Variants in TRIM24 observed in about 807,000 individuals in gnomAD.
The protein encoded by TRIM24 is tripartite motif containing 24, also known as transcription intermediary factor 1-alpha.
TRIM24 carries 29 observed loss-of-function variants against 123.9 expected under a neutral mutation model. That is an observed-to-expected ratio of 0.23 (90% CI 0.17 to 0.32). The LOEUF (loss-of-function observed/expected upper bound fraction) is 0.32, where lower values mean the gene tolerates loss of function less well. Ranked by LOEUF, TRIM24 falls within the 10% of genes least tolerant of loss-of-function variation. The pLI is 1.00. For synonymous variants in TRIM24, 456 were observed against 461.1 expected (o/e 0.99, Z 0.14); for missense variants, 932 against 1,295.3 (o/e 0.72, Z 4.31).
In TRIM24 at chr7:138,573,517, C is replaced by G; in HGVS notation, c.1889C>G (p.Ser630Ter). 1 of 1,590,056 alleles carries G rather than the reference C, an allele frequency of 6.3e-7. No individual in the cohort carries two copies. Among genetic ancestry groups the G allele is most frequent in the Non-Finnish European group, 8.5e-7 (1 of 1,170,658 alleles). Residue 630 changes from serine to a stop codon, truncating the protein, a stop_gained, in exon 12 of 19, where the codon TCA becomes TGA. Transcript: ENST00000343526. LOFTEE classifies it high-confidence loss of function. Reference sequence around the variant, plus strand: ...TTCTTTTCTTGTAAGATTGACTGTTCAAGTACTATTATGCTGGACAATATT... The same window carrying G: ...TTCTTTTCTTGTAAGATTGACTGTTGAAGTACTATTATGCTGGACAATATT... The part of the protein sequence containing the change: ...NLPSLPDIDC[S>*]STIMLDNIVR...
chr7:138,575,406 C>G (rs758445647), intron 12 of TRIM24, among the ~76,000 whole-genome samples: 1 of 151,232 alleles, frequency 6.6e-6, no homozygotes, highest in Non-Finnish European at 1.5e-5. Context: ...GATCCTCCTG[C>G]TTTAGCCTTC....
chr7:138,477,968 T>C (rs137918068), intron 1 of TRIM24, among the ~76,000 whole-genome samples: 1 of 152,348 alleles, frequency 6.6e-6, no homozygotes, highest in African/African-American at 2.4e-5. Flanking sequence ...GATAAATACT[T>C]AAAAACTAAG....
intron 7 of TRIM24, among the ~76,000 whole-genome samples, chr7:138,546,242 A>G (rs10216325): frequency 0.013 from 1,983 of 152,290 alleles, 36 homozygotes; most frequent in African/African-American, 0.045. Flanking sequence ...CTTGCCAAGA[A>G]TACTGTAACT....
intron 2 of TRIM24, among the ~76,000 whole-genome samples, chr7:138,510,130 C>T (rs1796254770): frequency 6.6e-6 from 1 of 152,218 alleles, no homozygotes; most frequent in African/African-American, 2.4e-5. Context: ...ACAGAAGTTA[C>T]ATGCAGGTAG....
chr7:138,574,466 C>A (rs1797716783), intron 12 of TRIM24, among the ~76,000 whole-genome samples: 1 of 152,040 alleles, frequency 6.6e-6, no homozygotes, highest in Admixed American at 6.6e-5. Flanking sequence ...TATCATATGA[C>A]AAGTTTATAC....
intron 1 of TRIM24, among the ~76,000 whole-genome samples, chr7:138,475,574 T>TG (rs1314518093): frequency 6.6e-6 from 1 of 152,212 alleles, no homozygotes; most frequent in African/African-American, 2.4e-5. Flanking sequence ...CTGGCTATAG[T>TG]GCAGTGGTGT....
At chr7:138,515,731 A>G (rs970115300) in intron 3 of TRIM24, among the ~76,000 whole-genome samples, 3 of 152,182 alleles carry the variant, frequency 2.0e-5, no homozygotes, top group Non-Finnish European at 4.4e-5. Flanking sequence ...AACCTGCATC[A>G]TGATATTTGT....
At chr7:138,550,020 G>C (rs575668644) in intron 7 of TRIM24, among the ~76,000 whole-genome samples, 2 of 152,256 alleles carry the variant, frequency 1.3e-5, no homozygotes, top group South Asian at 4.1e-4. Context: ...ATTAAGAATG[G>C]GGGAGGAAAT....
chr7:138,570,838 C>G lies in TRIM24; in HGVS notation c.1713C>G (p.Ile571Met), dbSNP rs760956358. ...LAQQAIKQWQ[I>M]SSGQGTPSTT... is the part of the protein sequence containing the mutation. ...TCTTCTTGTTACTGTAGTGGCAGAT[C>G]AGCAGTGGACAGGGAACCCCATCAA... Residue 571 changes from isoleucine (I) to methionine (M), a missense_variant, in exon 11 of 19, where the codon ATC becomes ATG. This residue lies in a region of TRIM24 where 527 missense variants were observed against 691.3 expected (regional missense o/e 0.76). Transcript: ENST00000343526. The G allele has an allele frequency of 6.2e-7, 1 of 1,613,812 alleles. No homozygotes were observed. The highest frequency in any genetic ancestry group is 1.1e-5 in the South Asian group (1 of 91,042).
At chr7:138,489,573 G>A (rs1233623448) in intron 1 of TRIM24, among the ~76,000 whole-genome samples, 1 of 152,078 alleles carries the variant, frequency 6.6e-6, no homozygotes, top group Non-Finnish European at 1.5e-5. Flanking sequence ...GCATTTTCTT[G>A]TCTATAAAGG....
chr7:138,548,383 C>G (rs768268805), intron 7 of TRIM24, among the ~76,000 whole-genome samples: 1 of 151,588 alleles, frequency 6.6e-6, no homozygotes, highest in Non-Finnish European at 1.5e-5. Flanking sequence ...GAGATCGCAC[C>G]ACTCCACTCC....
chr7:138,574,316 A>G (rs1217212477), intron 12 of TRIM24, among the ~76,000 whole-genome samples: 1 of 152,192 alleles, frequency 6.6e-6, no homozygotes, highest in Non-Finnish European at 1.5e-5. Flanking sequence ...AAAAACGCTA[A>G]TATTACTTCT....
At chr7:138,582,638 G>A (rs1424425310) in intron 17 of TRIM24, among the ~76,000 whole-genome samples, 2 of 151,796 alleles carry the variant, frequency 1.3e-5, no homozygotes, top group East Asian at 3.9e-4. Flanking sequence ...TCTAATGTCT[G>A]AACCCCGGAG....
chr7:138,533,859 T>C (rs1796805068), intron 6 of TRIM24, among the ~76,000 whole-genome samples: 1 of 152,206 alleles, frequency 6.6e-6, no homozygotes, highest in African/African-American at 2.4e-5. Context: ...CTTTTTTTGG[T>C]TGGTAGGCTA....
chr7:138,507,933 CA>C (rs551207675), intron 2 of TRIM24, among the ~76,000 whole-genome samples: 179 of 139,928 alleles, frequency 1.3e-3, no homozygotes, highest in African/African-American at 2.3e-3. Context: ...GACCCTATCT[CA>C]AAAAAAAAAA....
At chr7:138,462,957 C>T (rs1795040365) in intron 1 of TRIM24, among the ~76,000 whole-genome samples, 1 of 150,728 alleles carries the variant, frequency 6.6e-6, no homozygotes, top group African/African-American at 2.4e-5. Flanking sequence ...GCAACCTCTG[C>T]CTCCTAGGTT....
At chr7:138,574,877 T>C (rs570575505) in intron 12 of TRIM24, among the ~76,000 whole-genome samples, 193 of 152,320 alleles carry the variant, frequency 1.3e-3, no homozygotes, top group African/African-American at 4.5e-3. Context: ...ATTTCCATTT[T>C]AATATGCCAA....
chr7:138,494,388 G>T (rs1483772867), intron 1 of TRIM24, among the ~76,000 whole-genome samples: 3 of 151,792 alleles, frequency 2.0e-5, no homozygotes, highest in Non-Finnish European at 2.9e-5. Flanking sequence ...CAAAGTGTTA[G>T]GATTACAGGC....
rs545778604 is a variant in TRIM24 at position 138,574,387 on chromosome 7, A to G, written c.2014+745A>G. Among the ~76,000 whole-genome samples, 9 of 152,376 alleles carry G rather than the reference A, an allele frequency of 5.9e-5. No individual in the cohort carries two copies. The East Asian group carries it at 1.7e-3, about 29-fold the overall frequency. ...AGAATTTAAGTCACTCAACAGTCAC[A>G]TGAACACAATTTAAATGGGGATGCC... On this transcript the variant is annotated intron_variant, in intron 12 of 18. Transcript: ENST00000343526.
Sources: allele counts gnomAD v4.1 joint callset (sites outside exome capture counted in the v4.1 genomes callset), GRCh38; gene constraint gnomAD v4.1.1; regional missense constraint gnomAD v4.1.1; transcripts MANE v1.5; gene names NCBI Gene and HGNC (gene_info 2026-07-23, HGNC 2026-07-21).